The following MPPED1 variants were observed in gnomAD, a reference collection of about 807,000 sequenced individuals.
MPPED1 encodes metallophosphoesterase domain-containing protein 1.
A neutral mutation model predicts 36.2 loss-of-function variants in MPPED1; 16 were observed. The observed-to-expected ratio is 0.44, with a 90% CI of 0.30 to 0.67. The LOEUF (loss-of-function observed/expected upper bound fraction) is 0.67, where lower values mean the gene tolerates loss of function less well. Among genes scored for constraint, MPPED1 ranks in the 30% least tolerant of loss-of-function variants. The pLI, the probability that MPPED1 is intolerant of heterozygous loss-of-function variation, is 0.10. For missense variants in MPPED1, 307 were observed against 453.4 expected (o/e 0.68, Z 2.93); for synonymous variants, 199 against 191.3 (o/e 1.04, Z -0.33).
At chr22:43,459,134 G>T (rs529596554) in intron 3 of MPPED1, among the ~76,000 whole-genome samples, 3 of 151,994 alleles carry the variant, frequency 2.0e-5, no homozygotes, top group Admixed American at 6.6e-5. Flanking sequence ...GATTGCAGTG[G>T]CTCAGTCTTG....
At chr22:43,467,244 C>T (rs1174278048) in intron 3 of MPPED1, among the ~76,000 whole-genome samples, 1 of 152,190 alleles carries the variant, frequency 6.6e-6, no homozygotes, top group Non-Finnish European at 1.5e-5. Context: ...GAGAATGGCC[C>T]GTGCCTGCTA....
intron 4 of MPPED1, among the ~76,000 whole-genome samples, chr22:43,493,466 T>C (rs751340795): frequency 2.4e-4 from 37 of 152,266 alleles, no homozygotes; most frequent in Admixed American, 5.9e-4. Flanking sequence ...GCACTGGCAA[T>C]GGCAAAGCCC....
rs1000315573 is a variant in MPPED1, at chr22:43,412,029, C to T, written c.-208C>T. 5.2e-5 allele frequency: 51 copies of T among 978,780 alleles called. 1 individual carries two copies. The highest frequency in any genetic ancestry group is 2.4e-6 in the Non-Finnish European group (2 of 827,362). 60.6% of individuals were successfully genotyped at this position (978,780 alleles called of 1,614,324 possible). A position where few individuals can be genotyped will look rare whatever the true frequency, so the allele number is the denominator to read the frequency against. On this transcript the variant is annotated 5_prime_UTR_variant, in exon 1 of 7. The change creates a new upstream start codon in the 5' untranslated region. Transcript: ENST00000443721. ...TCTGGCTCCCACTTGCAGCCTCGGA[C>T]GCGCGGCGAGGCGGCCGCCGCCGGA...
At chr22:43,479,571 G>A (rs1261494549) in intron 4 of MPPED1, among the ~76,000 whole-genome samples, 2 of 152,202 alleles carry the variant, frequency 1.3e-5, no homozygotes, top group Admixed American at 6.5e-5. Flanking sequence ...CCATCACGAG[G>A]GGCATGCAAG....
At chr22:43,481,717 G>C (rs1464193937) in intron 4 of MPPED1, among the ~76,000 whole-genome samples, 1 of 152,066 alleles carries the variant, frequency 6.6e-6, no homozygotes, top group Non-Finnish European at 1.5e-5. Context: ...AGGCCTAACT[G>C]TGCCCCCTGC....
Position 43,506,375 on chromosome 22 carries a change from A to G in MPPED1, c.*759A>G, listed in dbSNP as rs1193506462. ...TCATGGGGGGATGACCCTTGGTCCC[A>G]CGGGGAACACACTGCTCTGTAGAAT... On this transcript the variant is annotated 3_prime_UTR_variant, in exon 7 of 7. Transcript: ENST00000443721. 1 of 152,428 alleles carries G rather than the reference A, an allele frequency of 6.6e-6. No homozygotes were observed. Among genetic ancestry groups the G allele is most frequent in the Non-Finnish European group, 1.5e-5 (1 of 68,088 alleles). The allele number at this position is 152,428 out of a possible 1,614,324, so 9.4% of individuals were successfully genotyped here.
intron 3 of MPPED1, among the ~76,000 whole-genome samples, chr22:43,460,732 T>TC (rs976473704): frequency 6.6e-6 from 1 of 152,044 alleles, no homozygotes; most frequent in African/African-American, 2.4e-5. Flanking sequence ...GCTGAGGGGC[T>TC]CCCTACCATT....
chr22:43,482,249 C>T (rs772026913), intron 4 of MPPED1, among the ~76,000 whole-genome samples: 7 of 152,094 alleles, frequency 4.6e-5, no homozygotes, highest in Non-Finnish European at 5.9e-5. Context: ...GAAATTGGCA[C>T]GCAGCGAGTC....
chr22:43,445,994 C>G (rs1208691092), intron 3 of MPPED1, among the ~76,000 whole-genome samples: 2 of 151,196 alleles, frequency 1.3e-5, no homozygotes, highest in Non-Finnish European at 2.9e-5. Flanking sequence ...CCTTAGCCCC[C>G]CTAGTAGCTG....
At position 43,498,231 on chromosome 22, in the gene MPPED1, A is replaced by G. The variant is rs1932495323; in HGVS notation, c.633-4A>G. 2.0e-6 allele frequency: 3 copies of G among 1,534,040 alleles called. No individual in the cohort carries two copies. Among genetic ancestry groups the G allele is most frequent in the Non-Finnish European group, 1.7e-6 (2 of 1,145,762 alleles). On this transcript the variant is annotated splice_region_variant and splice_polypyrimidine_tract_variant and intron_variant, in intron 4 of 6. Coordinates refer to ENST00000443721, the MANE Select transcript of MPPED1 (RefSeq NM_001044370.2). ...TCCCTCAAACACCTGCACTTCTTCT[A>G]CAGGCAGCCCTGGTTCTACGGCTGG...
At chr22:43,492,351 G>T (rs1214864284) in intron 4 of MPPED1, among the ~76,000 whole-genome samples, 2 of 152,052 alleles carry the variant, frequency 1.3e-5, no homozygotes, top group Non-Finnish European at 2.9e-5. Flanking sequence ...GCATGTCAGG[G>T]GTGATACGTA....
intron 2 of MPPED1, among the ~76,000 whole-genome samples, chr22:43,430,499 G>T (rs1377919311): frequency 6.6e-6 from 1 of 152,206 alleles, no homozygotes; most frequent in African/African-American, 2.4e-5. Context: ...CCAGCCTGGG[G>T]TCTGGCGTCG....
At chr22:43,499,349 T>A (rs1932543643) in intron 5 of MPPED1, among the ~76,000 whole-genome samples, 1 of 108,058 alleles carries the variant, frequency 9.3e-6, no homozygotes, top group Admixed American at 1.1e-4. Context: ...TGGGAGGTAG[T>A]GATGGTGATG....
Position 43,505,693 on chromosome 22 carries a change from G to T in MPPED1, c.*77G>T. The stretch of plus-strand genomic sequence containing the variant: ...GCCCGGCCACTGTTCCTTCCATGCT[G>T]AGTTGCCTGGACGACCCATCTGGCT... On this transcript the variant is annotated 3_prime_UTR_variant, in exon 7 of 7. Coordinates refer to ENST00000443721, the MANE Select transcript of MPPED1 (RefSeq NM_001044370.2). 2.2e-6 allele frequency: 3 copies of T among 1,338,818 alleles called. No individual in the cohort carries two copies. The highest frequency in any genetic ancestry group is 3.1e-6 in the Non-Finnish European group (3 of 962,082). The allele number at this position is 1,338,818 out of a possible 1,614,324, so 82.9% of individuals were successfully genotyped here. A position where few individuals can be genotyped will look rare whatever the true frequency, so the allele number is the denominator to read the frequency against.
intron 4 of MPPED1, among the ~76,000 whole-genome samples, chr22:43,481,424 C>T (rs1173402094): frequency 2.6e-5 from 4 of 152,124 alleles, no homozygotes; most frequent in Admixed American, 1.3e-4. Flanking sequence ...CCTACTAGGG[C>T]GTCTGAGGCT....
In MPPED1 at chr22:43,454,012, ATTTATTTC is replaced by A. The variant is rs1460480766; in HGVS notation, c.406+18804_406+18811del. Reference sequence around the variant, plus strand: ...TTTTTTAAAATTTAAATATTTATTTATTTATTTCTTTATTGAGACAGAGTTTCGCTCTG... The same window carrying A: ...TTTTTTAAAATTTAAATATTTATTTATTTATTGAGACAGAGTTTCGCTCTG... On this transcript the variant is annotated intron_variant, in intron 3 of 6. Coordinates refer to ENST00000443721, the MANE Select transcript of MPPED1 (RefSeq NM_001044370.2). 6.6e-5 allele frequency among the ~76,000 whole-genome samples: 10 copies of A among 151,888 alleles called. No individual in the cohort carries two copies. The South Asian group carries it at 8.3e-4, about 13-fold the overall frequency.
Position 43,476,284 on chromosome 22 carries a change from T to C in MPPED1, c.632+1323T>C, listed in dbSNP as rs112207673. Reference sequence around the variant, plus strand: ...GGCAGGGTGAGGTGGGCTTCATACATGGAAGGGCAAGATCACATATGCTTA... The same window carrying C: ...GGCAGGGTGAGGTGGGCTTCATACACGGAAGGGCAAGATCACATATGCTTA... On this transcript the variant is annotated intron_variant, in intron 4 of 6. Transcript: ENST00000443721. Among the ~76,000 whole-genome samples the C allele has an allele frequency of 2.1e-3, 324 of 152,180 alleles. 6 individuals are homozygous for C. Among genetic ancestry groups the C allele is most frequent in the African/African-American group, 7.3e-3 (303 of 41,516 alleles).
In MPPED1 at chr22:43,502,788, GGGC is replaced by G; in HGVS notation, c.862+32_862+34del. On this transcript the variant is annotated intron_variant, in intron 6 of 6. Transcript: ENST00000443721. The surrounding 1 kb of genome is among the most constrained non-coding windows in gnomAD (Gnocchi z 5.5). The stretch of plus-strand genomic sequence containing the variant: ...TACGTAGCGGAGACAGGCACCTCAC[GGGC>G]TAGGGGCTCCTAATGGACCCTCCAG... The G allele has an allele frequency of 1.3e-6, 2 of 1,581,276 alleles. No homozygotes were observed. Among genetic ancestry groups the G allele is most frequent in the Admixed American group, 1.7e-5 (1 of 59,852 alleles).
At chr22:43,479,976 C>T (rs1931698519) in intron 4 of MPPED1, among the ~76,000 whole-genome samples, 1 of 152,162 alleles carries the variant, frequency 6.6e-6, no homozygotes, top group Non-Finnish European at 1.5e-5. Context: ...GATCCCCCCA[C>T]CTCAGCCTCC....
Sources: gnomAD v4.1 joint callset for allele counts (sites outside exome capture counted in the v4.1 genomes callset) on GRCh38, gnomAD v4.1.1 for gene constraint, Gnocchi (gnomAD v3.1) non-coding constraint, MANE v1.5 for transcripts, NCBI Gene and HGNC (gene_info 2026-07-23, HGNC 2026-07-21) for gene names.